HNRNPD: variants seen among roughly 807,000 people sequenced by gnomAD.
The protein encoded by HNRNPD is heterogeneous nuclear ribonucleoprotein D0.
Under a neutral mutation model 47.9 loss-of-function variants are expected in HNRNPD, and 3 were observed. The ratio of observed to expected loss-of-function variants is 0.06; its 90% confidence interval spans 0.03 to 0.16. HNRNPD has a LOEUF of 0.16. HNRNPD is among the 10% of genes least tolerant of loss of function. HNRNPD has a pLI of 1.00. For missense variants in HNRNPD, 287 were observed against 454.2 expected (o/e 0.63, Z 3.35); for synonymous variants, 171 against 165.1 (o/e 1.04, Z -0.28).
At chr4:82,357,723 A>C (rs889668937) in intron 4 of HNRNPD, 1 of 242,270 alleles carries the variant, frequency 4.1e-6, no homozygotes, top group Non-Finnish European at 7.9e-6. Flanking sequence ...ATGCCCACAA[A>C]GAACAAGAAG....
In HNRNPD at chr4:82,355,349, G is replaced by A. The variant is rs1723672288; in HGVS notation, c.1053C>T (p.Ser351=). The change falls in exon 8 of 9, where the codon AGC becomes AGT. Residue 351 remains serine (S), a synonymous_variant. Transcript: ENST00000313899. ...ATGGAATAATTTAGTATGGTTTGTAGCTATTTTGATGACCACCTCGCCTGG... is the reference window on the plus strand; with the variant it reads ...ATGGAATAATTTAGTATGGTTTGTAACTATTTTGATGACCACCTCGCCTGG... ...KVSRRGGHQN[S]YKPY The A allele has an allele frequency of 6.2e-7, 1 of 1,612,826 alleles. No individual in the cohort carries two copies. Among genetic ancestry groups the A allele is most frequent in the African/African-American group, 1.3e-5 (1 of 74,890 alleles).
intron 5 of HNRNPD, 43 bp downstream of exon 5, chr4:82,357,270 C>CA: frequency 6.4e-7 from 1 of 1,562,214 alleles, no homozygotes. Context: ...AAGCTCTTTA[C>CA]AACAGCTAGT....
At chr4:82,373,162 AG>A (rs1434656261) in intron 1 of HNRNPD, 6 of 635,238 alleles carry the variant, frequency 9.4e-6, no homozygotes, top group Admixed American at 2.1e-5. Context: ...AGTCGGTGGG[AG>A]GAGACCCATG....
At chr4:82,364,343 C>A (rs558291981) in intron 2 of HNRNPD, among the ~76,000 whole-genome samples, 11 of 152,264 alleles carry the variant, frequency 7.2e-5, no homozygotes, top group Non-Finnish European at 1.0e-4. Context: ...GTAAAAAGAG[C>A]ATACCTCAGA....
At position 82,358,916 on chromosome 4, in the gene HNRNPD, G is replaced by A. The variant is rs975383382; in HGVS notation, c.460-96C>T. 1.8e-5 allele frequency: 16 copies of A among 908,564 alleles called. No homozygotes were observed. The South Asian group carries it at 2.9e-4, about 16-fold the overall frequency. The allele number at this position is 908,564 out of a possible 1,614,324, so 56.3% of individuals were successfully genotyped here. ...AAAAATAACTATAAATACAGATAAT[G>A]CCAAGCATATGTTGACTTGCTCAAG... On this transcript the variant is annotated intron_variant, in intron 3 of 8. Transcript: ENST00000313899.
chr4:82,358,626 G>C, intron 4 of HNRNPD, 33 bp downstream of exon 4: 1 of 1,580,552 alleles, frequency 6.3e-7, no homozygotes, highest in Non-Finnish European at 8.6e-7. Context: ...CACTAATTTT[G>C]ACATAAACTG....
rs1420540569 is a variant in HNRNPD at position 82,354,119 on chromosome 4, A to T, written c.*66T>A. ...TAGCAGGTGGCAGGAGCCACCTTCA[A>T]ATGAATCTTCAAATTGGAAAATACT... On this transcript the variant is annotated 3_prime_UTR_variant, in exon 9 of 9. Coordinates refer to ENST00000313899, the MANE Select transcript of HNRNPD (RefSeq NM_031370.3). 1.3e-5 allele frequency: 2 copies of T among 152,686 alleles called. No homozygotes were observed. Among genetic ancestry groups the T allele is most frequent in the African/African-American group, 4.8e-5 (2 of 41,476 alleles). The allele number at this position is 152,686 out of a possible 1,614,324, so 9.5% of individuals were successfully genotyped here.
intron 2 of HNRNPD, 32 bp from the exon 3 acceptor site, chr4:82,359,671 T>TA (rs746249630): frequency 7.4e-5 from 108 of 1,456,338 alleles, no homozygotes; most frequent in Middle Eastern, 1.8e-4. Context: ...TTAAAATGCT[T>TA]AAAAAAAATT....
intron 8 of HNRNPD, chr4:82,354,575 T>C (rs1578044496): frequency 6.5e-6 from 1 of 152,782 alleles, no homozygotes; most frequent in East Asian, 1.9e-4. Flanking sequence ...TTATAGGAAG[T>C]TGTCACAACA....
chr4:82,371,695 A>C, intron 1 of HNRNPD, 111 bp from the exon 2 acceptor site: 1 of 737,530 alleles, frequency 1.4e-6, no homozygotes, highest in Non-Finnish European at 2.3e-6. Flanking sequence ...AGGTAACTAT[A>C]AAGTCAGCTG....
chr4:82,358,601 G>T, intron 4 of HNRNPD, 58 bp downstream of exon 4: 1 of 1,469,632 alleles, frequency 6.8e-7, no homozygotes, highest in Non-Finnish European at 9.3e-7. Flanking sequence ...GTCCATAATG[G>T]GACAATCACA....
At chr4:82,372,505 T>G (rs187015921) in intron 1 of HNRNPD, among the ~76,000 whole-genome samples, 1 of 151,852 alleles carries the variant, frequency 6.6e-6, no homozygotes, top group East Asian at 1.9e-4. Flanking sequence ...CAAAATAGGA[T>G]CCTGGGCACC....
chr4:82,359,115 G>A (rs905465420), intron 3 of HNRNPD, among the ~76,000 whole-genome samples: 3 of 151,880 alleles, frequency 2.0e-5, no homozygotes, highest in Admixed American at 6.6e-5. Flanking sequence ...AAACATAACT[G>A]CTACTTCCCT....
chr4:82,373,344 C>G, intron 1 of HNRNPD, 102 bp downstream of exon 1: 12 of 1,388,236 alleles, frequency 8.6e-6, no homozygotes, highest in Non-Finnish European at 1.0e-5. Flanking sequence ...CATGGGGGCC[C>G]GGAGAACGGG....
chr4:82,358,622 T>G, intron 4 of HNRNPD, 37 bp downstream of exon 4: 1 of 1,579,502 alleles, frequency 6.3e-7, no homozygotes, highest in Non-Finnish European at 8.6e-7. Context: ...TTCACACTAA[T>G]TTTGACATAA....
At chr4:82,366,704 G>A (rs902166039) in intron 2 of HNRNPD, among the ~76,000 whole-genome samples, 4 of 151,814 alleles carry the variant, frequency 2.6e-5, no homozygotes, top group Non-Finnish European at 4.4e-5. Context: ...GTGACTACAG[G>A]CGCATGTAAC....
intron 7 of HNRNPD, 26 bp from the exon 8 acceptor site, chr4:82,355,427 A>AGC: frequency 6.5e-7 from 1 of 1,544,664 alleles, no homozygotes; most frequent in Non-Finnish European, 9.0e-7. Flanking sequence ...TGTTAGAACC[A>AGC]GAACGGTAGT....
chr4:82,373,346 G>C (rs75078811), intron 1 of HNRNPD, 100 bp downstream of exon 1: 5 of 1,457,784 alleles, frequency 3.4e-6, no homozygotes, highest in East Asian at 5.0e-5. Flanking sequence ...TGGGGGCCCG[G>C]AGAACGGGCT....
At chr4:82,362,853 G>A (rs1325117119) in intron 2 of HNRNPD, among the ~76,000 whole-genome samples, 1 of 151,940 alleles carries the variant, frequency 6.6e-6, no homozygotes, top group Non-Finnish European at 1.5e-5. Context: ...GCCCGCTCCA[G>A]CCTCCCAAAC....
Sources: allele counts gnomAD v4.1 joint callset (sites outside exome capture counted in the v4.1 genomes callset), GRCh38; gene constraint gnomAD v4.1.1; transcripts MANE v1.5; gene names NCBI Gene and HGNC (gene_info 2026-07-23, HGNC 2026-07-21).